GRXCR2: variants seen among roughly 807,000 people sequenced by gnomAD.
GRXCR2 encodes glutaredoxin and cysteine rich domain containing 2.
GRXCR2 carries 23 observed loss-of-function variants against 24.8 expected under a neutral mutation model. The observed-to-expected ratio is 0.93, with a 90% CI of 0.67 to 1.32. The LOEUF is 1.32. Ranked by LOEUF, GRXCR2 falls within the 40% of genes most tolerant of loss-of-function variation. GRXCR2 has a pLI of 0.00. For synonymous variants in GRXCR2, 130 were observed against 116.1 expected (o/e 1.12, Z -0.77); for missense variants, 315 against 303.4 (o/e 1.04, Z -0.28).
chr5:145,858,440 G>A (rs1756277247), downstream of GRXCR2: 1 of 152,142 alleles, frequency 6.6e-6, no homozygotes, highest in African/African-American at 2.4e-5. Context: ...AACAGTTAAG[G>A]ACAGAAGCAA....
At chr5:145,877,867 G>T (rs1222192566), upstream of GRXCR2, among the ~76,000 whole-genome samples, 1 of 152,252 alleles carries the variant, frequency 6.6e-6, no homozygotes, top group African/African-American at 2.4e-5. Flanking sequence ...AATCTTTGCT[G>T]TTCTGCAGCA....
intron 2 of GRXCR2, among the ~76,000 whole-genome samples, chr5:145,911,456 TGAAAG>T (rs1757166162): frequency 6.6e-6 from 1 of 152,040 alleles, no homozygotes; most frequent in African/African-American, 2.4e-5. Context: ...GGTACTGAAA[TGAAAG>T]GAAAGCATCA....
intron 2 of GRXCR2, among the ~76,000 whole-genome samples, chr5:145,879,375 A>AAG (rs1036536554): frequency 6.6e-6 from 1 of 151,842 alleles, no homozygotes; most frequent in Non-Finnish European, 1.5e-5. Context: ...CACAGCAAAA[A>AAG]AAAAAAAAAA....
rs923338304 is a variant in GRXCR2 at position 145,861,524 on chromosome 5, C to A, written c.565-1609G>T. On this transcript the variant is annotated intron_variant, in intron 2 of 2. Coordinates refer to ENST00000377976, the MANE Select transcript of GRXCR2 (RefSeq NM_001080516.2). ...CCCACAGCTCTGGACCAGGAGTTCC[C>A]CCACCCCCATGGCCACCTGTACTGC... Among the ~76,000 whole-genome samples the A allele has an allele frequency of 6.2e-4, 94 of 152,122 alleles. 1 individual carries two copies. Among genetic ancestry groups the A allele is most frequent in the African/African-American group, 2.2e-3 (92 of 41,494 alleles).
intron 2 of GRXCR2, among the ~76,000 whole-genome samples, chr5:145,895,049 A>C (rs899253438): frequency 1.3e-5 from 2 of 152,190 alleles, no homozygotes; most frequent in Admixed American, 6.5e-5. Context: ...TGACTACCTC[A>C]ACAGATGCAG....
At chr5:145,893,572 A>G (rs971050372) in intron 2 of GRXCR2, among the ~76,000 whole-genome samples, 1 of 152,258 alleles carries the variant, frequency 6.6e-6, no homozygotes, top group African/African-American at 2.4e-5. Flanking sequence ...CAATTCAACA[A>G]GAAGAGCTAA....
chr5:145,908,899 C>T (rs1757125242), intron 2 of GRXCR2, among the ~76,000 whole-genome samples: 1 of 152,176 alleles, frequency 6.6e-6, no homozygotes. Context: ...GGCTAGGTAA[C>T]TGATGGGCAC....
Position 145,872,785 on chromosome 5 carries a change from C to T in GRXCR2, c.184G>A (p.Asp62Asn). 1 of 1,614,236 alleles carries T rather than the reference C, an allele frequency of 6.2e-7. No individual in the cohort carries two copies. Residue 62 changes from aspartate to asparagine, a missense_variant, in exon 1 of 3, where the codon GAT (aspartate) becomes AAT (asparagine). Asp to Asn is a conservative substitution (Grantham distance 23). Transcript: ENST00000377976. ...SFLQESLETMDGVYGSGEVPR... is the reference protein window; with the variant it reads ...SFLQESLETMNGVYGSGEVPR... ...ACTTCCCCAGACCCATAAACACCAT[C>T]CATTGTTTCAAGAGACTCTTGCAGA...
intron 2 of GRXCR2, among the ~76,000 whole-genome samples, chr5:145,888,991 T>C (rs937998260): frequency 1.3e-5 from 2 of 151,860 alleles, no homozygotes; most frequent in Non-Finnish European, 1.5e-5. Flanking sequence ...CTAGCCAACA[T>C]GGTGAAACCC....
chr5:145,929,199 C>CATATATATATATA, intron 2 of GRXCR2, among the ~76,000 whole-genome samples: 1 of 116,508 alleles, frequency 8.6e-6, no homozygotes, highest in Non-Finnish European at 1.8e-5. Flanking sequence ...ATATTCCCCC[C>CATATATATATATA]TATATATATA....
At chr5:145,868,711 A>G (rs185462898) in intron 1 of GRXCR2, among the ~76,000 whole-genome samples, 5 of 152,314 alleles carry the variant, frequency 3.3e-5, no homozygotes, top group East Asian at 1.9e-4. Context: ...AGAATCTGAG[A>G]TCACCTACTC....
At chr5:145,921,445 C>T (rs1561692047) in intron 2 of GRXCR2, among the ~76,000 whole-genome samples, 1 of 152,170 alleles carries the variant, frequency 6.6e-6, no homozygotes. Context: ...CCCCTCCTTC[C>T]TTCCCTCTTG....
downstream of GRXCR2, among the ~76,000 whole-genome samples, chr5:145,858,101 G>T (rs1392333877): frequency 6.6e-6 from 1 of 152,120 alleles, no homozygotes; most frequent in Non-Finnish European, 1.5e-5. Context: ...ATCACCTGAG[G>T]TCAGGAGTTG....
At chr5:145,901,307 T>C (rs1244508369) in intron 2 of GRXCR2, among the ~76,000 whole-genome samples, 1 of 150,856 alleles carries the variant, frequency 6.6e-6, no homozygotes, top group Non-Finnish European at 1.5e-5. Context: ...AAAGTTGAAA[T>C]GAAAAAAAAA....
chr5:145,875,383 T>C (rs1756597676), upstream of GRXCR2, among the ~76,000 whole-genome samples: 1 of 152,098 alleles, frequency 6.6e-6, no homozygotes, highest in South Asian at 2.1e-4. Context: ...ACCTCATCTC[T>C]ACCAAAAATA....
At chr5:145,911,894 G>T (rs1303491365) in intron 2 of GRXCR2, among the ~76,000 whole-genome samples, 1 of 152,184 alleles carries the variant, frequency 6.6e-6, no homozygotes, top group Non-Finnish European at 1.5e-5. Flanking sequence ...TTCGAGACTA[G>T]CCTGGGAAAC....
At chr5:145,901,931 T>C (rs1018057621) in intron 2 of GRXCR2, among the ~76,000 whole-genome samples, 2 of 152,116 alleles carry the variant, frequency 1.3e-5, no homozygotes, top group Admixed American at 1.3e-4. Context: ...TAATGAGAAG[T>C]AGGCAGATTC....
At position 145,872,640 on chromosome 5, in the gene GRXCR2, T is replaced by C. The variant is rs200982151; in HGVS notation, c.329A>G (p.Asp110Gly). 1.9e-6 allele frequency: 3 copies of C among 1,598,418 alleles called. No individual in the cohort carries two copies. The highest frequency in any genetic ancestry group is 1.7e-4 in the Middle Eastern group (1 of 5,976). ...GCCATGCACAATACCAACCTTATGG[T>C]CATTCGCCTTGTAATCGTTGAACCG... ...QPRFNDYKAN[D>G]HKPLPIIDFG... The change falls in exon 1 of 3, where the codon GAC becomes GGC. Residue 110 changes from aspartate to glycine, a missense_variant. By Grantham distance (94) the Asp-to-Gly change is moderately conservative. Transcript: ENST00000377976.
At chr5:145,927,702 T>G (rs1206762692) in intron 2 of GRXCR2, among the ~76,000 whole-genome samples, 1 of 152,160 alleles carries the variant, frequency 6.6e-6, no homozygotes, top group Non-Finnish European at 1.5e-5. Flanking sequence ...TTTTTTGTTG[T>G]GTCTCTGCCA....
Sources: gnomAD v4.1 joint callset for allele counts (sites outside exome capture counted in the v4.1 genomes callset) on GRCh38, gnomAD v4.1.1 for gene constraint, MANE v1.5 for transcripts, NCBI Gene and HGNC (gene_info 2026-07-23, HGNC 2026-07-21) for gene names.